Variants in STON1 observed in about 807,000 individuals in gnomAD.
The protein encoded by STON1 is stonin 1.
In STON1, 79 loss-of-function variants were observed where a neutral mutation model predicts 60.9. That is an observed-to-expected ratio of 1.30 (90% confidence interval 1.08 to 1.56). STON1 has a LOEUF of 1.56. Ranked by LOEUF, STON1 falls within the 40% of genes most tolerant of loss-of-function variation. STON1 has a pLI of 0.00. For missense variants in STON1, 1,166 were observed against 858.9 expected (o/e 1.36, Z -4.47); for synonymous variants, 363 against 306.9 (o/e 1.18, Z -1.91).
In STON1 at chr2:48,581,079, T is replaced by C. The variant is rs1476398626; in HGVS notation, c.446T>C (p.Val149Ala). The change falls in exon 2 of 4, where the codon GTA becomes GCA. Residue 149 changes from valine to alanine, a missense_variant. Coordinates refer to ENST00000404752, the MANE Select transcript of STON1 (RefSeq NM_006873.4). The stretch of plus-strand genomic sequence containing the variant: ...TCATGTACACATCCAACTCCCAAAG[T>C]AGGTCTTCCAGATGAAGTTAATCCT... ...DHSCTHPTPKVGLPDEVNPQQ... is the reference protein window; with the variant it reads ...DHSCTHPTPKAGLPDEVNPQQ... 1.2e-6 allele frequency: 2 copies of C among 1,600,446 alleles called. No homozygotes were observed. The highest frequency in any genetic ancestry group is 1.7e-6 in the Non-Finnish European group (2 of 1,174,880).
intron 2 of STON1, among the ~76,000 whole-genome samples, chr2:48,590,452 C>T (rs1232451402): frequency 2.0e-5 from 3 of 152,224 alleles, no homozygotes; most frequent in Non-Finnish European, 4.4e-5. Context: ...AATGCTCTTT[C>T]TCTAGCTATG....
chr2:48,577,018 C>T (rs1415236757), intron 1 of STON1, among the ~76,000 whole-genome samples: 1 of 150,214 alleles, frequency 6.7e-6, no homozygotes, highest in African/African-American at 2.5e-5. Context: ...CGCGCCACTG[C>T]ACTCCAGCCT....
At chr2:48,571,007 C>T (rs1673181837) in intron 1 of STON1, among the ~76,000 whole-genome samples, 1 of 151,948 alleles carries the variant, frequency 6.6e-6, no homozygotes, top group Non-Finnish European at 1.5e-5. Flanking sequence ...TGAGGAGCAC[C>T]ACCACACCCA....
At chr2:48,585,276 G>T (rs1674143119) in intron 2 of STON1, among the ~76,000 whole-genome samples, 1 of 151,804 alleles carries the variant, frequency 6.6e-6, no homozygotes, top group Non-Finnish European at 1.5e-5. Context: ...GGGATGGAGT[G>T]TTGCTCTGTC....
At chr2:48,592,395 G>C (rs142347302) in intron 3 of STON1, among the ~76,000 whole-genome samples, 269 of 150,456 alleles carry the variant, frequency 1.8e-3, no homozygotes, top group African/African-American at 6.2e-3. Context: ...TGTGGAGCAT[G>C]CTTTAGGAAA....
chr2:48,553,436 C>G (rs1413109864), intron 1 of STON1, among the ~76,000 whole-genome samples: 1 of 150,588 alleles, frequency 6.6e-6, no homozygotes, highest in Non-Finnish European at 1.5e-5. Flanking sequence ...CTCCCTTTCT[C>G]TCTCTCTCTC....
intron 2 of STON1, among the ~76,000 whole-genome samples, chr2:48,590,676 T>C (rs1342114065): frequency 8.4e-5 from 2 of 23,726 alleles, no homozygotes; most frequent in African/African-American, 1.7e-4. Context: ...GACCCCCATC[T>C]AAAATCTTTG....
At chr2:48,538,342 T>C (rs186684844) in intron 1 of STON1, among the ~76,000 whole-genome samples, 94 of 152,348 alleles carry the variant, frequency 6.2e-4, no homozygotes, top group African/African-American at 2.1e-3. Flanking sequence ...CGAAATCATC[T>C]GAACCACTTA....
chr2:48,557,488 C>G (rs868465713), intron 1 of STON1, among the ~76,000 whole-genome samples: 2 of 103,424 alleles, frequency 1.9e-5, no homozygotes, highest in African/African-American at 3.5e-5. Context: ...ACATCCCAGA[C>G]GATGGGCGGC....
chr2:48,564,558 CTTCTT>C (rs1558605559), intron 1 of STON1, among the ~76,000 whole-genome samples: 31 of 52,306 alleles, frequency 5.9e-4, no homozygotes, highest in African/African-American at 1.2e-3. Flanking sequence ...TCTTCTTCTT[CTTCTT>C]CTTCTCCTTC....
At chr2:48,582,584 G>C (rs1232475994) in intron 2 of STON1, 21 bp downstream of exon 2, 1 of 1,594,674 alleles carries the variant, frequency 6.3e-7, no homozygotes, top group Non-Finnish European at 8.5e-7. Context: ...AACACCCCAA[G>C]TTTATTTTCA....
chr2:48,585,498 C>G (rs754902506), intron 2 of STON1, among the ~76,000 whole-genome samples: 3 of 152,148 alleles, frequency 2.0e-5, no homozygotes, highest in Admixed American at 2.0e-4. Flanking sequence ...ATCCACCCGC[C>G]TCGGCCTCCC....
At chr2:48,583,712 C>T (rs1452325816) in intron 2 of STON1, among the ~76,000 whole-genome samples, 3 of 149,684 alleles carry the variant, frequency 2.0e-5, no homozygotes, top group African/African-American at 7.4e-5. Flanking sequence ...TGCATTCATG[C>T]ATCCATCGAT....
At chr2:48,580,453 T>G in intron 1 of STON1, 134 bp from the exon 2 acceptor site, 1 of 863,968 alleles carries the variant, frequency 1.2e-6, no homozygotes, top group Non-Finnish European at 1.5e-6. Flanking sequence ...AGTTGGATCA[T>G]GTTTTTTTTT....
intron 2 of STON1, among the ~76,000 whole-genome samples, 183 bp from the exon 3 acceptor site, chr2:48,591,470 C>T (rs545847568): frequency 1.9e-3 from 286 of 152,150 alleles, no homozygotes; most frequent in African/African-American, 6.6e-3. Flanking sequence ...AAATGGCAGA[C>T]AGCTTTCCCC....
intron 3 of STON1, among the ~76,000 whole-genome samples, chr2:48,594,694 C>A (rs1409443752): frequency 6.6e-6 from 1 of 152,144 alleles, no homozygotes; most frequent in Non-Finnish European, 1.5e-5. Flanking sequence ...GAGGATGTGA[C>A]ATTTGAGCTG....
At position 48,595,313 on chromosome 2, in the gene STON1, A is replaced by G. The variant is rs750713985; in HGVS notation, c.*11A>G. ...TGCATAACTCAGTAGGAGTAGCAAGAGTTTATGATGACAGCCCACTTGTCA... is the reference window on the plus strand; with the variant it reads ...TGCATAACTCAGTAGGAGTAGCAAGGGTTTATGATGACAGCCCACTTGTCA... On this transcript the variant is annotated 3_prime_UTR_variant, in exon 4 of 4. Transcript: ENST00000404752. 1 of 1,610,518 alleles carries G rather than the reference A, an allele frequency of 6.2e-7. No homozygotes were observed. Among genetic ancestry groups the G allele is most frequent in the South Asian group, 1.1e-5 (1 of 90,936 alleles).
intron 1 of STON1, among the ~76,000 whole-genome samples, chr2:48,539,125 C>G (rs1363883971): frequency 6.6e-6 from 1 of 152,062 alleles, no homozygotes; most frequent in Non-Finnish European, 1.5e-5. Flanking sequence ...GCTATGTTGA[C>G]CAGACTGGTC....
chr2:48,595,099 G>A (rs1169146635), intron 3 of STON1, 129 bp from the exon 4 acceptor site: 1 of 730,892 alleles, frequency 1.4e-6, no homozygotes, highest in Non-Finnish European at 2.4e-6. Context: ...TAGGAGGGTA[G>A]AGGGCTGTGT....
Sources: gnomAD v4.1 joint callset for allele counts (sites outside exome capture counted in the v4.1 genomes callset) on GRCh38, gnomAD v4.1.1 for gene constraint, MANE v1.5 for transcripts, NCBI Gene and HGNC (gene_info 2026-07-23, HGNC 2026-07-21) for gene names.